DCLK2: variants seen among roughly 807,000 people sequenced by gnomAD.
DCLK2 encodes the protein serine/threonine-protein kinase DCLK2.
A neutral mutation model predicts 78.4 loss-of-function variants in DCLK2; 31 were observed. The observed-to-expected ratio is 0.40, with a 90% CI of 0.30 to 0.53. The LOEUF is 0.53. Ranked by LOEUF, DCLK2 falls within the 20% of genes least tolerant of loss-of-function variation. The pLI, the probability that DCLK2 is intolerant of heterozygous loss-of-function variation, is 0.61. For synonymous variants in DCLK2, 407 were observed against 374.9 expected (o/e 1.09, Z -0.99); for missense variants, 872 against 973.7 (o/e 0.90, Z 1.39).
chr4:150,089,548 A>G (rs1729898662), intron 1 of DCLK2, among the ~76,000 whole-genome samples: 1 of 152,254 alleles, frequency 6.6e-6, no homozygotes, highest in Admixed American at 6.5e-5. Context: ...AAACTTTAAC[A>G]ATGGTAGCCA....
intron 2 of DCLK2, among the ~76,000 whole-genome samples, chr4:150,166,782 G>T (rs1049061204): frequency 6.6e-6 from 1 of 152,172 alleles, no homozygotes; most frequent in Non-Finnish European, 1.5e-5. Flanking sequence ...TCATGAAGAG[G>T]TGGGTGCTTG....
chr4:150,205,852 T>C (rs1739803973), intron 5 of DCLK2, among the ~76,000 whole-genome samples: 3 of 152,228 alleles, frequency 2.0e-5, no homozygotes, highest in Admixed American at 2.0e-4. Context: ...GTGAGCCACA[T>C]GCCAAGGTCC....
intron 2 of DCLK2, among the ~76,000 whole-genome samples, chr4:150,154,019 T>C (rs1304838258): frequency 1.3e-5 from 2 of 152,164 alleles, no homozygotes; most frequent in Non-Finnish European, 1.5e-5. Context: ...AACTGTGTAA[T>C]TGGAAACTTG....
At chr4:150,236,860 A>G (rs1210017944) in intron 10 of DCLK2, among the ~76,000 whole-genome samples, 3 of 152,196 alleles carry the variant, frequency 2.0e-5, no homozygotes, top group African/African-American at 4.8e-5. Flanking sequence ...TCACTTGCAC[A>G]GACATAATTC....
chr4:150,216,510 G>A (rs575294043), intron 5 of DCLK2, among the ~76,000 whole-genome samples: 2 of 152,196 alleles, frequency 1.3e-5, no homozygotes, highest in South Asian at 2.1e-4. Context: ...GTGGTGGCGG[G>A]TGCTTGTAAT....
At chr4:150,243,280 G>A (rs190215574) in intron 12 of DCLK2, among the ~76,000 whole-genome samples, 1 of 152,268 alleles carries the variant, frequency 6.6e-6, no homozygotes, top group African/African-American at 2.4e-5. Context: ...GCTGCCTTCA[G>A]AAGCAGGTCA....
At chr4:150,131,590 C>T (rs1045330747) in intron 2 of DCLK2, among the ~76,000 whole-genome samples, 4 of 152,106 alleles carry the variant, frequency 2.6e-5, no homozygotes, top group African/African-American at 9.7e-5. Context: ...GGGGTCCCCT[C>T]TTAATGTTGA....
At chr4:150,135,670 C>A (rs1397369619) in intron 2 of DCLK2, among the ~76,000 whole-genome samples, 1 of 152,214 alleles carries the variant, frequency 6.6e-6, no homozygotes, top group Non-Finnish European at 1.5e-5. Context: ...ATTTGCTCAT[C>A]TGTCTCACAA....
intron 5 of DCLK2, among the ~76,000 whole-genome samples, chr4:150,213,115 G>A (rs376701425): frequency 1.3e-5 from 2 of 152,324 alleles, no homozygotes; most frequent in East Asian, 3.9e-4. Flanking sequence ...TCAGAGGGGT[G>A]CGATGAGATT....
chr4:150,151,174 A>G (rs950886276), intron 2 of DCLK2, among the ~76,000 whole-genome samples: 119 of 152,208 alleles, frequency 7.8e-4, no homozygotes, highest in Non-Finnish European at 2.9e-4. Flanking sequence ...GTCCTTTCTC[A>G]TCCCTCCCAC....
chr4:150,132,798 T>A (rs1224697190), intron 2 of DCLK2, among the ~76,000 whole-genome samples: 7 of 152,166 alleles, frequency 4.6e-5, no homozygotes. Context: ...TGGCTAGTTA[T>A]TTTACTTTTT....
intron 2 of DCLK2, among the ~76,000 whole-genome samples, chr4:150,172,766 G>A (rs544628209): frequency 1.7e-4 from 25 of 143,448 alleles, no homozygotes; most frequent in Admixed American, 4.1e-4. Context: ...TTTTTGGGGG[G>A]GGGGGGGATA....
intron 2 of DCLK2, among the ~76,000 whole-genome samples, chr4:150,142,738 T>G (rs938871955): frequency 2.0e-5 from 3 of 152,180 alleles, no homozygotes; most frequent in African/African-American, 7.2e-5. Flanking sequence ...GGTTTGTACC[T>G]TTAGTGAACT....
At position 150,178,430 on chromosome 4, in the gene DCLK2, TG is replaced by T. The variant is rs1303009494; in HGVS notation, c.757-14707del. Reference sequence around the variant, plus strand: ...CCATAAATAATTCAAACGGATGGCATGCTTTTCGTTTCTGAACAGCCACAGG... The same window carrying T: ...CCATAAATAATTCAAACGGATGGCATCTTTTCGTTTCTGAACAGCCACAGG... On this transcript the variant is annotated intron_variant, in intron 2 of 15. Coordinates refer to ENST00000296550, the MANE Select transcript of DCLK2 (RefSeq NM_001040260.4). Among the ~76,000 whole-genome samples the T allele has an allele frequency of 2.6e-5, 4 of 152,256 alleles. No homozygotes were observed. In the South Asian group the frequency reaches 8.3e-4, roughly 32 times the overall value.
chr4:150,120,460 G>A (rs1292680089), intron 2 of DCLK2, among the ~76,000 whole-genome samples: 2 of 152,136 alleles, frequency 1.3e-5, no homozygotes, highest in African/African-American at 4.8e-5. Flanking sequence ...GCTTAACTAT[G>A]TGTGTCTGTA....
chr4:150,253,497 A>T, intron 15 of DCLK2: 3 of 1,289,650 alleles, frequency 2.3e-6, no homozygotes, highest in Non-Finnish European at 3.0e-6. Flanking sequence ...TTTGAGAGGC[A>T]CCTCAGAGTT....
chr4:150,238,139 AAAATT>A, intron 10 of DCLK2, among the ~76,000 whole-genome samples: 1 of 152,356 alleles, frequency 6.6e-6, no homozygotes, highest in South Asian at 2.1e-4. Flanking sequence ...AACTATAAAG[AAAATT>A]AAATTAATCC....
At chr4:150,221,067 A>G (rs924818569) in intron 6 of DCLK2, among the ~76,000 whole-genome samples, 4 of 152,140 alleles carry the variant, frequency 2.6e-5, no homozygotes, top group Non-Finnish European at 2.9e-5. Context: ...CTTTCTCTCA[A>G]TTAGATAACA....
At chr4:150,214,714 C>T (rs1488148233) in intron 5 of DCLK2, among the ~76,000 whole-genome samples, 1 of 152,068 alleles carries the variant, frequency 6.6e-6, no homozygotes, top group African/African-American at 2.4e-5. Flanking sequence ...GTAAACTCAG[C>T]ACTTTGGGAG....
Sources: gnomAD v4.1 joint callset for allele counts (sites outside exome capture counted in the v4.1 genomes callset) on GRCh38, gnomAD v4.1.1 for gene constraint, MANE v1.5 for transcripts, NCBI Gene and HGNC (gene_info 2026-07-23, HGNC 2026-07-21) for gene names.